TRAP1: variants seen among roughly 807,000 people sequenced by gnomAD.
The protein encoded by TRAP1 is TNF receptor associated protein 1.
Under a neutral mutation model 89.1 loss-of-function variants are expected in TRAP1, and 102 were observed. The ratio of observed to expected loss-of-function variants is 1.15; its 90% confidence interval spans 0.98 to 1.35. The LOEUF (loss-of-function observed/expected upper bound fraction) is 1.35, where lower values mean the gene tolerates loss of function less well. TRAP1 is among the 40% of genes most tolerant of loss of function. TRAP1 has a pLI of 0.00. For synonymous variants in TRAP1, 508 were observed against 388.0 expected (o/e 1.31, Z -3.64); for missense variants, 1,256 against 945.3 (o/e 1.33, Z -4.31).
At chr16:3,712,790 A>G (rs2051549416) in intron 1 of TRAP1, among the ~76,000 whole-genome samples, 1 of 152,084 alleles carries the variant, frequency 6.6e-6, no homozygotes, top group Admixed American at 6.6e-5. Flanking sequence ...ATTTCTTTGT[A>G]TTTTTAGTAG....
At chr16:3,690,118 T>A (rs2051193261) in intron 2 of TRAP1, among the ~76,000 whole-genome samples, 2 of 152,160 alleles carry the variant, frequency 1.3e-5, no homozygotes, top group Non-Finnish European at 2.9e-5. Context: ...CCGATTCTCC[T>A]GCCTCAGCCT....
At chr16:3,689,999 G>A (rs913423752) in intron 2 of TRAP1, among the ~76,000 whole-genome samples, 2 of 152,112 alleles carry the variant, frequency 1.3e-5, no homozygotes, top group Non-Finnish European at 2.9e-5. Context: ...CTAAGAACCA[G>A]ATTATATGTT....
chr16:3,701,656 A>G (rs1372663553), intron 1 of TRAP1, among the ~76,000 whole-genome samples: 2 of 152,126 alleles, frequency 1.3e-5, no homozygotes, highest in Admixed American at 1.3e-4. Context: ...GCACCAAACT[A>G]TATATGAACA....
At chr16:3,711,740 A>G (rs1269986529) in intron 1 of TRAP1, among the ~76,000 whole-genome samples, 1 of 152,226 alleles carries the variant, frequency 6.6e-6, no homozygotes, top group Non-Finnish European at 1.5e-5. Context: ...ATAACCAGCC[A>G]CACCACAAAT....
Position 3,713,482 on chromosome 16 carries a change from G to A in TRAP1, c.88+3939C>T, listed in dbSNP as rs1301601384. 2.6e-5 allele frequency among the ~76,000 whole-genome samples: 4 copies of A among 152,272 alleles called. No homozygotes were observed. The East Asian group carries it at 7.7e-4, about 29-fold the overall frequency. Reference sequence around the variant, plus strand: ...CTACTCTCACAACTCTGATTTCCAAGACAGGAAGTTCCAGCAAAGGCTCCA... The same window carrying A: ...CTACTCTCACAACTCTGATTTCCAAAACAGGAAGTTCCAGCAAAGGCTCCA... On this transcript the variant is annotated intron_variant, in intron 1 of 17. Transcript: ENST00000246957.
At chr16:3,661,730 G>A (rs2043087389) in intron 16 of TRAP1, 3 of 403,450 alleles carry the variant, frequency 7.4e-6, no homozygotes, top group Non-Finnish European at 1.3e-5. Flanking sequence ...AGGTGGCAAA[G>A]CCATAAAGCA....
intron 1 of TRAP1, among the ~76,000 whole-genome samples, chr16:3,703,523 G>A (rs1238041192): frequency 6.6e-6 from 1 of 151,948 alleles, no homozygotes; most frequent in Non-Finnish European, 1.5e-5. Flanking sequence ...ATACATGCAT[G>A]CATAGCTATT....
intron 11 of TRAP1, among the ~76,000 whole-genome samples, chr16:3,669,053 G>A (rs1596705425): frequency 6.6e-6 from 1 of 152,144 alleles, no homozygotes; most frequent in Non-Finnish European, 1.5e-5. Context: ...CCAGCCCAGG[G>A]ACATTGTACC....
intron 1 of TRAP1, among the ~76,000 whole-genome samples, chr16:3,694,350 C>T (rs1327214696): frequency 2.0e-5 from 3 of 148,776 alleles, no homozygotes; most frequent in Non-Finnish European, 3.0e-5. Flanking sequence ...GTATCTTTCT[C>T]TTTTTTTTTT....
In TRAP1 at chr16:3,664,204, A is replaced by G. The variant is rs1166836840; in HGVS notation, c.1569+70T>C. 4 of 1,434,864 alleles carry G rather than the reference A, an allele frequency of 2.8e-6. No individual in the cohort carries two copies. In the East Asian group the frequency reaches 1.0e-4, roughly 36 times the overall value. The allele number at this position is 1,434,864 out of a possible 1,614,324, so 88.9% of individuals were successfully genotyped here. ...AGTCTTGGGCAGGTTCACCCAGCAC[A>G]GAGCTGAGAAGGTCAAGACCCTCCC... On this transcript the variant is annotated intron_variant, in intron 13 of 17. Coordinates refer to ENST00000246957, the MANE Select transcript of TRAP1 (RefSeq NM_016292.3).
intron 1 of TRAP1, among the ~76,000 whole-genome samples, chr16:3,701,508 G>A (rs1430036266): frequency 7.0e-6 from 1 of 142,832 alleles, no homozygotes; most frequent in Non-Finnish European, 1.5e-5. Flanking sequence ...CTGAGATCGC[G>A]CCCCTGCACT....
intron 1 of TRAP1, among the ~76,000 whole-genome samples, chr16:3,693,025 T>A (rs1408702126): frequency 6.6e-6 from 1 of 151,976 alleles, no homozygotes; most frequent in Non-Finnish European, 1.5e-5. Context: ...TGATCTCGGC[T>A]CACTGCAACC....
chr16:3,661,181 A>G (rs2043053274), intron 16 of TRAP1: 1 of 152,200 alleles, frequency 6.6e-6, no homozygotes, highest in Admixed American at 6.5e-5. Flanking sequence ...CCAGAACCCT[A>G]CAGAGAATGT....
intron 7 of TRAP1, 74 bp from the exon 8 acceptor site, chr16:3,675,471 G>A (rs2050977231): frequency 1.7e-5 from 25 of 1,458,042 alleles, no homozygotes; most frequent in East Asian, 2.3e-5. Context: ...GCAGCTCCAG[G>A]ATGAGCGCCA....
intron 1 of TRAP1, among the ~76,000 whole-genome samples, chr16:3,711,680 G>C (rs1007379756): frequency 6.6e-6 from 1 of 151,930 alleles, no homozygotes; most frequent in Non-Finnish European, 1.5e-5. Context: ...AGTAGATACT[G>C]TTTCTCCAAG....
chr16:3,684,078 A>G (rs1430373896), intron 4 of TRAP1, among the ~76,000 whole-genome samples: 3 of 152,084 alleles, frequency 2.0e-5, no homozygotes, highest in African/African-American at 7.2e-5. Flanking sequence ...AGGCAGGAGA[A>G]TCACTTAAAT....
chr16:3,684,949 G>C (rs955188636), intron 4 of TRAP1, among the ~76,000 whole-genome samples: 1 of 152,140 alleles, frequency 6.6e-6, no homozygotes, highest in East Asian at 1.9e-4. Flanking sequence ...GAAGACAAAA[G>C]ACAAAACCAA....
chr16:3,717,472 G>C lies in TRAP1; in HGVS notation c.37C>G (p.Arg13Gly). The change falls in exon 1 of 18, where the codon CGC (arginine) becomes GGC (glycine). Residue 13 changes from arginine to glycine, a missense_variant. Physicochemically the swap from Arg to Gly is moderately radical, Grantham distance 125. Coordinates refer to ENST00000246957, the MANE Select transcript of TRAP1 (RefSeq NM_016292.3). ...RELRALLLWG[R>G]RLRPLLRAPA... Reference sequence around the variant, plus strand: ...GCCCGCAGCAAAGGCCGCAGGCGGCGGCCCCACAGCAGCAGCGCCCGCAGC... The same window carrying C: ...GCCCGCAGCAAAGGCCGCAGGCGGCCGCCCCACAGCAGCAGCGCCCGCAGC... The C allele has an allele frequency of 7.6e-7, 1 of 1,311,486 alleles. No individual in the cohort carries two copies. The highest frequency in any genetic ancestry group is 9.7e-7 in the Non-Finnish European group (1 of 1,036,042). The allele number at this position is 1,311,486 out of a possible 1,614,324, so 81.2% of individuals were successfully genotyped here.
chr16:3,669,693 G>C (rs1175684574), intron 11 of TRAP1, among the ~76,000 whole-genome samples: 1 of 151,782 alleles, frequency 6.6e-6, no homozygotes, highest in Non-Finnish European at 1.5e-5. Flanking sequence ...AATTAGCTGG[G>C]CGTGGTGGTG....
Sources: gnomAD v4.1 joint callset for allele counts (sites outside exome capture counted in the v4.1 genomes callset) on GRCh38, gnomAD v4.1.1 for gene constraint, MANE v1.5 for transcripts, NCBI Gene and HGNC (gene_info 2026-07-23, HGNC 2026-07-21) for gene names.